Variants in NEDD9 observed in about 807,000 individuals in gnomAD.
The protein encoded by NEDD9 is enhancer of filamentation 1.
NEDD9 carries 26 observed loss-of-function variants against 76.6 expected under a neutral mutation model. The observed-to-expected ratio is 0.34, with a 90% confidence interval of 0.25 to 0.47. NEDD9 has a LOEUF of 0.47. Among genes scored for constraint, NEDD9 ranks in the 20% least tolerant of loss-of-function variants. The pLI, the probability that NEDD9 is intolerant of heterozygous loss-of-function variation, is 1.00. For synonymous variants in NEDD9, 392 were observed against 414.2 expected, an observed-to-expected ratio of 0.95 and a Z score of 0.65; for missense variants, 937 against 1,058.5, an observed-to-expected ratio of 0.89 and a Z score of 1.59.
chr6:11,234,957 C>T (rs1242764361), upstream of NEDD9, among the ~76,000 whole-genome samples: 2 of 152,124 alleles, frequency 1.3e-5, no homozygotes, highest in Non-Finnish European at 2.9e-5. Flanking sequence ...GGTGATCTAC[C>T]TGCTTCAGTC....
At chr6:11,363,149 A>G (rs992065239) in intron 1 of NEDD9, among the ~76,000 whole-genome samples, 3 of 152,222 alleles carry the variant, frequency 2.0e-5, no homozygotes, top group African/African-American at 7.2e-5. Context: ...TTTGGCATCT[A>G]CTACAGTTGC....
chr6:11,259,682 A>G (rs754449349), intron 3 of NEDD9, among the ~76,000 whole-genome samples: 1 of 152,210 alleles, frequency 6.6e-6, no homozygotes, highest in Non-Finnish European at 1.5e-5. Flanking sequence ...AAACATATTC[A>G]TTCACTTCCC....
intron 1 of NEDD9, among the ~76,000 whole-genome samples, chr6:11,335,612 A>G (rs1582036695): frequency 6.6e-6 from 1 of 152,358 alleles, no homozygotes; most frequent in South Asian, 2.1e-4. Flanking sequence ...TTCTTCAAGC[A>G]TCTCAACAAC....
rs1235825467 is a variant in NEDD9, at chr6:11,198,471, T to A, written c.460-4779A>T. ...TCTTTCTTTCCTCATATTCAAACTTTAATTGATTTTCAAGGCCCGGCTGAA... is the reference window on the plus strand; with the variant it reads ...TCTTTCTTTCCTCATATTCAAACTTAAATTGATTTTCAAGGCCCGGCTGAA... On this transcript the variant is annotated intron_variant, in intron 2 of 6. Transcript: ENST00000379446. This position sits in a 1 kb window ranked among gnomAD's most constrained non-coding sequence, Gnocchi z 4.7. 1 of 152,242 alleles carries A rather than the reference T, an allele frequency of 6.6e-6. No homozygotes were observed. Among genetic ancestry groups the A allele is most frequent in the Non-Finnish European group, 1.5e-5 (1 of 68,114 alleles). 9.4% of individuals were successfully genotyped at this position (152,242 alleles called of 1,614,324 possible).
rs1020968744 is a variant in NEDD9, at chr6:11,370,579, C to T, written c.-214+11560G>A. Among the ~76,000 whole-genome samples the T allele has an allele frequency of 1.3e-5, 2 of 152,146 alleles. No homozygotes were observed. Among genetic ancestry groups the T allele is most frequent in the Admixed American group, 1.3e-4 (2 of 15,274 alleles). On this transcript the variant is annotated intron_variant, in intron 1 of 3. Coordinates refer to the NEDD9 transcript ENST00000397378. This position sits in a 1 kb window ranked among gnomAD's most constrained non-coding sequence, Gnocchi z 4.2. ...TCTCCTCATGCTTTTCTGTGTCCTT[C>T]CCGTTTTGCAAGGGCCATACCAGCT...
chr6:11,305,222 G>A (rs1031842521), intron 3 of NEDD9: 10 of 1,009,928 alleles, frequency 9.9e-6, no homozygotes, highest in Non-Finnish European at 1.3e-5. Context: ...TTTTCATTTT[G>A]AGCATGAGTT....
chr6:11,320,367 C>T (rs1045636927), intron 2 of NEDD9, among the ~76,000 whole-genome samples: 9 of 152,160 alleles, frequency 5.9e-5, no homozygotes, highest in Admixed American at 2.6e-4. Context: ...TATACTCTCT[C>T]GCCTTTTTCT....
intron 3 of NEDD9, among the ~76,000 whole-genome samples, chr6:11,249,855 C>A (rs1015125649): frequency 6.6e-6 from 1 of 152,164 alleles, no homozygotes; most frequent in African/African-American, 2.4e-5. Context: ...TGTTGGCTCG[C>A]GTGGGCTTCC....
chr6:11,294,185 A>G (rs866858899), intron 3 of NEDD9, among the ~76,000 whole-genome samples: 3 of 152,322 alleles, frequency 2.0e-5, no homozygotes, highest in African/African-American at 7.2e-5. Context: ...TCCTTTGGAT[A>G]TATACCCAGA....
chr6:11,234,447 T>C (rs910434677), upstream of NEDD9, among the ~76,000 whole-genome samples: 4 of 152,186 alleles, frequency 2.6e-5, no homozygotes, highest in East Asian at 1.9e-4. Flanking sequence ...ATGAATATCA[T>C]TGAGTAAGTG....
At chr6:11,254,281 C>T (rs1012954790) in intron 3 of NEDD9, among the ~76,000 whole-genome samples, 4 of 151,828 alleles carry the variant, frequency 2.6e-5, no homozygotes, top group Non-Finnish European at 5.9e-5. Flanking sequence ...CCACCATGCC[C>T]GGCTAATTTT....
intron 3 of NEDD9, among the ~76,000 whole-genome samples, chr6:11,299,638 C>A (rs553601582): frequency 5.3e-5 from 8 of 152,318 alleles, no homozygotes; most frequent in African/African-American, 1.9e-4. Context: ...TGAGTGCCCC[C>A]CTGGGACGAA....
chr6:11,355,276 G>T (rs559533272), intron 1 of NEDD9, among the ~76,000 whole-genome samples: 1 of 151,854 alleles, frequency 6.6e-6, no homozygotes, highest in South Asian at 2.1e-4. Context: ...TGGAATGAGG[G>T]AATAAAAACA....
intron 1 of NEDD9, among the ~76,000 whole-genome samples, chr6:11,363,162 A>G (rs1762706931): frequency 6.6e-6 from 1 of 152,240 alleles, no homozygotes; most frequent in Non-Finnish European, 1.5e-5. Context: ...ACAGTTGCTT[A>G]GCATTCACAG....
Position 11,190,858 on chromosome 6 carries a change from G to C in NEDD9, c.1011C>G (p.Asn337Lys). The C allele has an allele frequency of 1.9e-6, 3 of 1,614,108 alleles. No individual in the cohort carries two copies. The highest frequency in any genetic ancestry group is 2.5e-6 in the Non-Finnish European group (3 of 1,180,036). ...EPPAETSEKA[N>K]PQERDGVYDV... ...CATAAACACCATCCCTTTCCTGGGG[G>C]TTTGCTTTCTCACTGGTTTCTGCTG... The change falls in exon 5 of 7, where the codon AAC becomes AAG. Residue 337 changes from asparagine to lysine, a missense_variant. By Grantham distance (94) the Asn-to-Lys change is moderately conservative. Coordinates refer to ENST00000379446, the MANE Select transcript of NEDD9 (RefSeq NM_006403.4). The surrounding 1 kb of genome is among the most constrained non-coding windows in gnomAD (Gnocchi z 5.8).
At chr6:11,348,284 CACAA>C (rs1211722153) in intron 1 of NEDD9, among the ~76,000 whole-genome samples, 1 of 152,136 alleles carries the variant, frequency 6.6e-6, no homozygotes. Context: ...TCAGAGATGA[CACAA>C]ACAAATAGAA....
rs553020511 is a variant in NEDD9 at position 11,256,937 on chromosome 6, T to C, written c.13-43210A>G. The stretch of plus-strand genomic sequence containing the variant: ...GACCCACTCTCACTCACCTTTCAAC[T>C]TGACTGCAGGCCAAGCCTCTCTTAG... On this transcript the variant is annotated intron_variant, in intron 3 of 3. Transcript: ENST00000397378. Among the ~76,000 whole-genome samples, 6 of 152,348 alleles carry C rather than the reference T, an allele frequency of 3.9e-5. No individual in the cohort carries two copies. In the East Asian group the frequency reaches 9.6e-4, roughly 24 times the overall value.
intron 3 of NEDD9, among the ~76,000 whole-genome samples, chr6:11,263,802 G>A (rs1346407730): frequency 6.6e-6 from 1 of 152,278 alleles, no homozygotes; most frequent in East Asian, 1.9e-4. Context: ...CTCAAGAAAG[G>A]AAGTTTGTTC....
chr6:11,350,854 T>G (rs189255358), intron 1 of NEDD9, among the ~76,000 whole-genome samples: 2 of 151,964 alleles, frequency 1.3e-5, no homozygotes, highest in South Asian at 4.2e-4. Context: ...TGTCAGGGAG[T>G]GTCAACCAGG....
Sources: gnomAD v4.1 joint callset for allele counts (sites outside exome capture counted in the v4.1 genomes callset) on GRCh38, gnomAD v4.1.1 for gene constraint, Gnocchi (gnomAD v3.1) non-coding constraint, MANE v1.5 for transcripts, NCBI Gene and HGNC (gene_info 2026-07-23, HGNC 2026-07-21) for gene names.